The following EFCAB14 variants were observed in gnomAD, a reference collection of about 807,000 sequenced individuals.
The protein encoded by EFCAB14 is EF-hand calcium-binding domain-containing protein 14.
Under a neutral mutation model 56.5 loss-of-function variants are expected in EFCAB14, and 43 were observed. The ratio of observed to expected loss-of-function variants is 0.76; its 90% CI spans 0.60 to 0.98. The LOEUF is 0.98. Among genes scored for constraint, EFCAB14 ranks in the 50% least tolerant of loss-of-function variants. The pLI is 0.00. For synonymous variants in EFCAB14, 235 were observed against 212.9 expected (o/e 1.10, Z -0.90); for missense variants, 538 against 580.3 (o/e 0.93, Z 0.75).
chr1:46,700,773 A>G (rs2148846893), intron 3 of EFCAB14, among the ~76,000 whole-genome samples: 1 of 152,352 alleles, frequency 6.6e-6, no homozygotes, highest in East Asian at 1.9e-4. Context: ...GTATATCACT[A>G]AGAATGTGCA....
Position 46,718,402 on chromosome 1 carries a change from GA to G in EFCAB14, c.-316del. Reference sequence around the variant, plus strand: ...GAGGGACCTTTATCTCCCAAAGGGCGAAAAAAAAGCCAGGTCAAAAATGAAG... The same window carrying G: ...GAGGGACCTTTATCTCCCAAAGGGCGAAAAAAAGCCAGGTCAAAAATGAAG... On this transcript the variant is annotated 5_prime_UTR_variant, in exon 1 of 11. Coordinates refer to ENST00000371933, the MANE Select transcript of EFCAB14 (RefSeq NM_014774.3). 13 of 209,738 alleles carry G rather than the reference GA, an allele frequency of 6.2e-5. No homozygotes were observed. Among genetic ancestry groups the G allele is most frequent in the South Asian group, 1.4e-4 (1 of 6,948 alleles). The allele number at this position is 209,738 out of a possible 1,614,324, so 13.0% of individuals were successfully genotyped here.
At chr1:46,717,507 T>C (rs143481293) in intron 1 of EFCAB14, among the ~76,000 whole-genome samples, 1 of 152,184 alleles carries the variant, frequency 6.6e-6, no homozygotes, top group Non-Finnish European at 1.5e-5. Context: ...TTCAGACTCA[T>C]CAAGAGTGCA....
In EFCAB14 at chr1:46,717,938, T is replaced by C; in HGVS notation, c.150A>G (p.Glu50=). ...DSESSSEEEE[E]FGVVGNRSRF... ...GAGAGCGATTTCCAACCACACCGAA[T>C]TCCTCTTCCTCTTCGGAGCTGGACT... is the stretch of plus-strand genomic sequence containing the variant. Residue 50 remains glutamate (E), a synonymous_variant, in exon 1 of 11, where the codon GAA becomes GAG. Coordinates refer to ENST00000371933, the MANE Select transcript of EFCAB14 (RefSeq NM_014774.3). 2 of 1,614,028 alleles carry C rather than the reference T, an allele frequency of 1.2e-6. No individual in the cohort carries two copies. Among genetic ancestry groups the C allele is most frequent in the East Asian group, 2.2e-5 (1 of 44,868 alleles).
At position 46,718,229 on chromosome 1, in the gene EFCAB14, G is replaced by T; in HGVS notation, c.-142C>A. 1 of 758,808 alleles carries T rather than the reference G, an allele frequency of 1.3e-6. No homozygotes were observed. Among genetic ancestry groups the T allele is most frequent in the Non-Finnish European group, 2.1e-6 (1 of 475,998 alleles). 47.0% of individuals were successfully genotyped at this position (758,808 alleles called of 1,614,324 possible). The stretch of plus-strand genomic sequence containing the variant: ...CCCCTGGTCACTCCCACCTAGGGGT[G>T]GGACTGACCAGATCCGCCAGGGACT... On this transcript the variant is annotated 5_prime_UTR_variant, in exon 1 of 11. Coordinates refer to ENST00000371933, the MANE Select transcript of EFCAB14 (RefSeq NM_014774.3).
chr1:46,686,880 CA>C lies in EFCAB14; in HGVS notation c.988-11del, dbSNP rs752186815. 4 of 1,612,624 alleles carry C rather than the reference CA, an allele frequency of 2.5e-6. No homozygotes were observed. In the East Asian group the frequency reaches 8.9e-5, roughly 36 times the overall value. On this transcript the variant is annotated splice_polypyrimidine_tract_variant and intron_variant, in intron 7 of 10. Coordinates refer to ENST00000371933, the MANE Select transcript of EFCAB14 (RefSeq NM_014774.3). Reference sequence around the variant, plus strand: ...CAGATCTATCACCCATCTTAAAGGGCAAAACAAAAACAAACAAACAAAGGGA... The same window carrying C: ...CAGATCTATCACCCATCTTAAAGGGCAAACAAAAACAAACAAACAAAGGGA...
chr1:46,719,041 T>TTGG lies in EFCAB14; in HGVS notation c.-957_-955dup, dbSNP rs1168495274. ...TGCTCCCGACACGTTGTTGTTGGCGTTGGTGGCGGCGGCTGCGGCGGCGGC... is the reference window on the plus strand; with the variant it reads ...TGCTCCCGACACGTTGTTGTTGGCGTTGGTGGTGGCGGCGGCTGCGGCGGCGGC... On this transcript the variant is annotated 5_prime_UTR_variant, in exon 1 of 11. Transcript: ENST00000371933. The surrounding 1 kb of genome is among the most constrained non-coding windows in gnomAD (Gnocchi z 4.0). 1 of 159,124 alleles carries TTGG rather than the reference T, an allele frequency of 6.3e-6. No homozygotes were observed. The highest frequency in any genetic ancestry group is 2.4e-5 in the African/African-American group (1 of 41,528). The allele number at this position is 159,124 out of a possible 1,614,324, so 9.9% of individuals were successfully genotyped here.
chr1:46,713,337 T>C (rs529962008), intron 2 of EFCAB14, among the ~76,000 whole-genome samples: 2 of 152,186 alleles, frequency 1.3e-5, no homozygotes, highest in African/African-American at 2.4e-5. Flanking sequence ...CTGACAAATG[T>C]AGTTAGGGTC....
chr1:46,715,401 T>C (rs1420738584), intron 2 of EFCAB14, among the ~76,000 whole-genome samples: 1 of 152,140 alleles, frequency 6.6e-6, no homozygotes, highest in Non-Finnish European at 1.5e-5. Context: ...CACAAAATAA[T>C]AAAAATAATA....
chr1:46,710,672 G>A (rs1482442309), intron 2 of EFCAB14, among the ~76,000 whole-genome samples: 3 of 152,152 alleles, frequency 2.0e-5, no homozygotes, highest in African/African-American at 7.2e-5. Context: ...TTCTGCCTCA[G>A]CCTCCTGAGT....
intron 2 of EFCAB14, among the ~76,000 whole-genome samples, chr1:46,714,251 G>A (rs1259731687): frequency 1.3e-5 from 2 of 152,150 alleles, no homozygotes; most frequent in African/African-American, 4.8e-5. Context: ...AAGATCGAAA[G>A]TAAGAACTTT....
At chr1:46,710,842 A>G (rs1677297569) in intron 2 of EFCAB14, among the ~76,000 whole-genome samples, 1 of 152,160 alleles carries the variant, frequency 6.6e-6, no homozygotes. Context: ...GTGAGTTACC[A>G]TACCCAGTGA....
intron 3 of EFCAB14, among the ~76,000 whole-genome samples, chr1:46,697,829 A>C (rs986719888): frequency 1.3e-5 from 2 of 151,270 alleles, no homozygotes; most frequent in Non-Finnish European, 2.9e-5. Context: ...TACTGTGCTA[A>C]GAATTTTTTC....
intron 4 of EFCAB14, 39 bp downstream of exon 4, chr1:46,696,512 C>T (rs1677079374): frequency 6.3e-7 from 1 of 1,578,602 alleles, no homozygotes; most frequent in African/African-American, 1.4e-5. Context: ...CACATGGCAC[C>T]TACCTTCTGA....
Position 46,678,525 on chromosome 1 carries a change from G to A in EFCAB14, c.1424C>T (p.Ala475Val), listed in dbSNP as rs148745347. ...SAMPEPESLR[A>V]FDSDGDGRYS... ...TCTTCCATCTCCATCGGAATCAAAT[G>A]CTCTCAAGCTCTCTGGTTCTGGCAT... Residue 475 changes from alanine (A) to valine (V), a missense_variant, in exon 11 of 11, where the codon GCA (alanine) becomes GTA (valine). Transcript: ENST00000371933. 2 of 1,614,140 alleles carry A rather than the reference G, an allele frequency of 1.2e-6. No individual in the cohort carries two copies. Among genetic ancestry groups the A allele is most frequent in the African/African-American group, 2.7e-5 (2 of 75,018 alleles).
At position 46,677,522 on chromosome 1, in the gene EFCAB14, C is replaced by T. The variant is rs1676714695; in HGVS notation, c.*939G>A. ...AGATAATGGCTGGGGGAATTTAGCC[C>T]TGCCATTCAAATGGAGATGGTACTG... On this transcript the variant is annotated 3_prime_UTR_variant, in exon 11 of 11. Coordinates refer to ENST00000371933, the MANE Select transcript of EFCAB14 (RefSeq NM_014774.3). 6.6e-6 allele frequency: 1 copy of T among 152,010 alleles called. No individual in the cohort carries two copies. Among genetic ancestry groups the T allele is most frequent in the Admixed American group, 6.6e-5 (1 of 15,250 alleles). 9.4% of individuals were successfully genotyped at this position (152,010 alleles called of 1,614,324 possible). A position where few individuals can be genotyped will look rare whatever the true frequency, so the allele number is the denominator to read the frequency against.
intron 3 of EFCAB14, among the ~76,000 whole-genome samples, chr1:46,701,106 C>T (rs757589506): frequency 1.3e-5 from 2 of 151,954 alleles, no homozygotes; most frequent in African/African-American, 4.8e-5. Flanking sequence ...TAAGAATCCA[C>T]TCACAAATTA....
intron 10 of EFCAB14, 61 bp from the exon 11 acceptor site, chr1:46,678,697 A>G: frequency 1.3e-6 from 2 of 1,489,536 alleles, no homozygotes; most frequent in Non-Finnish European, 1.8e-6. Flanking sequence ...TTTAGTTAAA[A>G]GTAGTCTCAA....
Position 46,713,048 on chromosome 1 carries a change from AT to A in EFCAB14, c.334+3246del, listed in dbSNP as rs113028396. On this transcript the variant is annotated intron_variant, in intron 2 of 10. Coordinates refer to ENST00000371933, the MANE Select transcript of EFCAB14 (RefSeq NM_014774.3). ...CCAACCAACCAACCAAAAAAAAAAA[AT>A]TTTTTTTTTAAAGTAGAAGCATAAT... 1.3e-3 allele frequency among the ~76,000 whole-genome samples: 201 copies of A among 150,930 alleles called. 2 individuals carry two copies. The highest frequency in any genetic ancestry group is 4.0e-3 in the African/African-American group (164 of 41,100).
At chr1:46,690,540 G>T (rs184597952) in intron 5 of EFCAB14, among the ~76,000 whole-genome samples, 212 of 152,242 alleles carry the variant, frequency 1.4e-3, no homozygotes, top group Middle Eastern at 0.01. Context: ...GAGAAGGAGG[G>T]GGGAATCCAT....
Sources: gnomAD v4.1 joint callset for allele counts (sites outside exome capture counted in the v4.1 genomes callset) on GRCh38, gnomAD v4.1.1 for gene constraint, Gnocchi (gnomAD v3.1) non-coding constraint, MANE v1.5 for transcripts, NCBI Gene and HGNC (gene_info 2026-07-23, HGNC 2026-07-21) for gene names.